Variants in CBFA2T3 observed in about 807,000 individuals in gnomAD.
CBFA2T3 encodes transcriptional corepressor CBFA2T3.
A neutral mutation model predicts 58.6 loss-of-function variants in CBFA2T3; 31 were observed. That is an observed-to-expected ratio of 0.53 (90% confidence interval 0.40 to 0.71). The LOEUF is 0.71. CBFA2T3 is among the 30% of genes least tolerant of loss of function. The pLI, the probability that CBFA2T3 is intolerant of heterozygous loss-of-function variation, is 0.00. For synonymous variants in CBFA2T3, 531 were observed against 421.9 expected (o/e 1.26, Z -3.17); for missense variants, 1,076 against 963.1 (o/e 1.12, Z -1.55).
intron 1 of CBFA2T3, among the ~76,000 whole-genome samples, chr16:88,915,198 G>T (rs1343984175): frequency 2.3e-5 from 3 of 128,402 alleles, no homozygotes; most frequent in Non-Finnish European, 3.3e-5. Context: ...GTGGTGGCGT[G>T]GGTGTGGGGT....
chr16:88,892,011 G>A, intron 4 of CBFA2T3, 40 bp from the exon 5 acceptor site: 2 of 1,542,102 alleles, frequency 1.3e-6, no homozygotes, highest in Non-Finnish European at 1.8e-6. Context: ...GCACCGCTCG[G>A]CATGTGAGCC....
chr16:88,967,775 C>T (rs545575005), intron 1 of CBFA2T3, among the ~76,000 whole-genome samples: 16 of 152,328 alleles, frequency 1.1e-4, no homozygotes, highest in African/African-American at 2.2e-4. Context: ...GGGCTCGTCG[C>T]GGCTCAGCCC....
At chr16:88,952,245 C>G (rs1259480928) in intron 1 of CBFA2T3, among the ~76,000 whole-genome samples, 1 of 152,226 alleles carries the variant, frequency 6.6e-6, no homozygotes, top group African/African-American at 2.4e-5. Context: ...ACAAAGCCGT[C>G]TATCATTGCT....
rs140362821 is a variant in CBFA2T3 at position 88,927,486 on chromosome 16, C to T, written c.152-25830G>A. On this transcript the variant is annotated intron_variant, in intron 1 of 11. Transcript: ENST00000268679. ...TGGGGAAGAGGTGGGTCCACCTGTTCTCCTCCAGGGACCTCCCTGCAACCC... is the reference window on the plus strand; with the variant it reads ...TGGGGAAGAGGTGGGTCCACCTGTTTTCCTCCAGGGACCTCCCTGCAACCC... Among the ~76,000 whole-genome samples the T allele has an allele frequency of 3.9e-3, 592 of 152,322 alleles. 10 individuals carry two copies. The highest frequency in any genetic ancestry group is 1.8e-3 in the Non-Finnish European group (123 of 68,016).
chr16:88,883,631 G>A (rs577564221), intron 7 of CBFA2T3: 2 of 151,930 alleles, frequency 1.3e-5, no homozygotes, highest in African/African-American at 2.4e-5. Context: ...AGACGTGAGT[G>A]ACGCCCGGCA....
At chr16:88,952,153 CAG>C (rs1972090431) in intron 1 of CBFA2T3, among the ~76,000 whole-genome samples, 1 of 152,108 alleles carries the variant, frequency 6.6e-6, no homozygotes, top group East Asian at 1.9e-4. Flanking sequence ...TATGCAGAGA[CAG>C]AGAGACTAAT....
chr16:88,921,597 G>GGGGA (rs58356225), intron 1 of CBFA2T3, among the ~76,000 whole-genome samples: 11,217 of 150,916 alleles, frequency 0.074, 1,054 homozygotes, highest in African/African-American at 0.23. Context: ...CATTTTGCTG[G>GGGGA]GGGAGGGAGG....
Position 88,884,951 on chromosome 16 carries a change from C to T in CBFA2T3, c.1117+95G>A, listed in dbSNP as rs559413604. On this transcript the variant is annotated intron_variant, in intron 7 of 11. Transcript: ENST00000268679. ...CCGAGCTCAGGTGCACACAGCTGCCCGTGGTGCCCTGTGCCCACATGCTCA... is the reference window on the plus strand; with the variant it reads ...CCGAGCTCAGGTGCACACAGCTGCCTGTGGTGCCCTGTGCCCACATGCTCA... 370 of 918,388 alleles carry T rather than the reference C, an allele frequency of 4.0e-4. 2 individuals are homozygous for T. The highest frequency in any genetic ancestry group is 7.1e-4 in the East Asian group (25 of 35,056). 56.9% of individuals were successfully genotyped at this position (918,388 alleles called of 1,614,324 possible).
intron 1 of CBFA2T3, among the ~76,000 whole-genome samples, chr16:88,942,213 C>T (rs1334914284): frequency 6.6e-6 from 1 of 152,198 alleles, no homozygotes; most frequent in Non-Finnish European, 1.5e-5. Context: ...CCCTAAAGTA[C>T]TTTGTGGCGT....
Position 88,877,050 on chromosome 16 carries a change from C to A in CBFA2T3, c.1888G>T (p.Glu630Ter), listed in dbSNP as rs375495507. Reference protein sequence around the residue: ...SLPVGAASPSEAGSAGPSRPG... With the variant: ...SLPVGAASPS ...CGAGAAGGCCCCGCAGAGCCGGCTTCGCTGGGGCTGGCAGCACCCACAGGC... is the reference window on the plus strand; with the variant it reads ...CGAGAAGGCCCCGCAGAGCCGGCTTAGCTGGGGCTGGCAGCACCCACAGGC... The change falls in exon 12 of 12, where the codon GAA becomes TAA. Residue 630 changes from glutamate (E) to a stop codon, truncating the protein, a stop_gained. Coordinates refer to ENST00000268679, the MANE Select transcript of CBFA2T3 (RefSeq NM_005187.6). LOFTEE classifies it low-confidence loss of function (END_TRUNC). The A allele has an allele frequency of 6.6e-7, 1 of 1,517,280 alleles. No homozygotes were observed. The highest frequency in any genetic ancestry group is 2.5e-5 in the East Asian group (1 of 40,114). The allele number at this position is 1,517,280 out of a possible 1,614,324, so 94.0% of individuals were successfully genotyped here.
At chr16:88,950,959 G>A (rs1381041012) in intron 1 of CBFA2T3, 2 of 424,236 alleles carry the variant, frequency 4.7e-6, no homozygotes, top group Non-Finnish European at 9.2e-6. Flanking sequence ...GACCGGCACC[G>A]CCACAGAGGG....
In CBFA2T3 at chr16:88,882,730, G is replaced by T; in HGVS notation, c.1149C>A (p.Ile383=). 1 of 1,588,872 alleles carries T rather than the reference G, an allele frequency of 6.3e-7. No individual in the cohort carries two copies. ...VVPGSRQEEV[I]DHKLTEREWA... Reference sequence around the variant, plus strand: ...ACTCACGCTCTGTGAGCTTGTGGTCGATCACTTCTTCCTGCCGGGACCCAG... The same window carrying T: ...ACTCACGCTCTGTGAGCTTGTGGTCTATCACTTCTTCCTGCCGGGACCCAG... Residue 383 remains isoleucine (I), a synonymous_variant, in exon 8 of 12, where the codon ATC becomes ATA. Coordinates refer to ENST00000268679, the MANE Select transcript of CBFA2T3 (RefSeq NM_005187.6).
intron 1 of CBFA2T3, among the ~76,000 whole-genome samples, chr16:88,966,639 G>C (rs899765801): frequency 1.3e-5 from 2 of 151,788 alleles, no homozygotes; most frequent in African/African-American, 2.4e-5. Context: ...CACAAACAAG[G>C]AATTCCTCCA....
intron 3 of CBFA2T3, 79 bp downstream of exon 3, chr16:88,897,999 G>A (rs1597691582): frequency 1.9e-6 from 2 of 1,048,242 alleles, no homozygotes; most frequent in East Asian, 4.7e-5. Flanking sequence ...AGCGCCCCCA[G>A]GGCAGCAGTG....
chr16:88,970,077 C>T (rs1261444103), intron 1 of CBFA2T3, among the ~76,000 whole-genome samples: 4 of 152,088 alleles, frequency 2.6e-5, no homozygotes, highest in Non-Finnish European at 5.9e-5. Flanking sequence ...TGGAAATTCA[C>T]GTCAGTGGGA....
chr16:88,944,336 C>CAAA (rs767482759), intron 1 of CBFA2T3, among the ~76,000 whole-genome samples: 4 of 42,252 alleles, frequency 9.5e-5, no homozygotes, highest in Non-Finnish European at 9.8e-5. Context: ...GACTCCATCT[C>CAAA]AAAAAAAAAA....
At chr16:88,915,893 G>A (rs1970701918) in intron 1 of CBFA2T3, among the ~76,000 whole-genome samples, 1 of 152,076 alleles carries the variant, frequency 6.6e-6, no homozygotes, top group African/African-American at 2.4e-5. Context: ...TCCCCTCTCA[G>A]GAGCGTCACG....
At chr16:88,916,040 G>C (rs548952819) in intron 1 of CBFA2T3, among the ~76,000 whole-genome samples, 4 of 151,008 alleles carry the variant, frequency 2.6e-5, no homozygotes, top group Non-Finnish European at 5.9e-5. Context: ...GTGTGCACTC[G>C]TGTACACATG....
intron 3 of CBFA2T3, 66 bp downstream of exon 3, chr16:88,898,012 G>A: frequency 8.4e-7 from 1 of 1,185,706 alleles, no homozygotes. Flanking sequence ...CAGCAGTGTT[G>A]GGCCAGCTGA....
Sources: gnomAD v4.1 joint callset for allele counts (sites outside exome capture counted in the v4.1 genomes callset) on GRCh38, gnomAD v4.1.1 for gene constraint, MANE v1.5 for transcripts, NCBI Gene and HGNC (gene_info 2026-07-23, HGNC 2026-07-21) for gene names.